Variants in ODF2 observed in about 807,000 individuals in gnomAD.
The protein encoded by ODF2 is outer dense fiber of sperm tails 2, also known as outer dense fiber protein 2.
In ODF2, 47 loss-of-function variants were observed where a neutral mutation model predicts 110.2. The ratio of observed to expected loss-of-function variants is 0.43; its 90% CI spans 0.34 to 0.54. ODF2 has a LOEUF of 0.54. Ranked by LOEUF, ODF2 falls within the 20% of genes least tolerant of loss-of-function variation. The pLI is 0.03. For synonymous variants in ODF2, 352 were observed against 397.7 expected (o/e 0.89, Z 1.37); for missense variants, 812 against 1,054.5 (o/e 0.77, Z 3.19).
intron 14 of ODF2, among the ~76,000 whole-genome samples, chr9:128,490,444 C>T (rs574435643): frequency 8.9e-4 from 135 of 151,942 alleles, no homozygotes; most frequent in Non-Finnish European, 1.5e-3. Context: ...CACCATGCCC[C>T]GCTAATTTTT....
rs368346443 is a variant in ODF2, at chr9:128,482,989, G to A, written c.987+102G>A. The A allele has an allele frequency of 2.7e-4, 230 of 846,532 alleles. 7 individuals carry two copies. The highest frequency in any genetic ancestry group is 1.3e-3 in the East Asian group (47 of 36,728). 52.4% of individuals were successfully genotyped at this position (846,532 alleles called of 1,614,324 possible). A position where few individuals can be genotyped will look rare whatever the true frequency, so the allele number is the denominator to read the frequency against. On this transcript the variant is annotated intron_variant, in intron 10 of 20. Transcript: ENST00000604420. The stretch of plus-strand genomic sequence containing the variant: ...CAGCTCGCTGCAACCTCTGCCTCCC[G>A]GATTTGAGTGATTCTCCTGCCTCAG...
intron 6 of ODF2, among the ~76,000 whole-genome samples, chr9:128,472,146 G>A (rs1840169320): frequency 1.3e-5 from 2 of 152,216 alleles, no homozygotes; most frequent in East Asian, 1.9e-4. Flanking sequence ...CGGGCGTCGC[G>A]GCGGGCGCCT....
intron 3 of ODF2, chr9:128,460,281 G>C: frequency 7.3e-7 from 1 of 1,375,168 alleles, no homozygotes; most frequent in Non-Finnish European, 9.6e-7. Context: ...GCCGGCGTCT[G>C]GGATCTGTTC....
intron 2 of ODF2, among the ~76,000 whole-genome samples, chr9:128,458,748 A>G (rs1401081702): frequency 6.6e-6 from 1 of 151,900 alleles, no homozygotes; most frequent in Non-Finnish European, 1.5e-5. Flanking sequence ...ATACTTTTTT[A>G]TTCTCTTAGG....
At position 128,456,489 on chromosome 9, in the gene ODF2, C is replaced by T. The variant is rs917507853; in HGVS notation, c.-209+234C>T. On this transcript the variant is annotated intron_variant, in intron 1 of 20. Coordinates refer to ENST00000604420, the Ensembl canonical transcript of ODF2. ...GGCCGCCTCCTTCCTCTCTTGGCTA[C>T]CACGGGGCTCTGCCCCTCCTCTGCC... 2.0e-5 allele frequency: 30 copies of T among 1,526,450 alleles called. No homozygotes were observed. In the South Asian group the frequency reaches 2.5e-4, roughly 13 times the overall value. The allele number at this position is 1,526,450 out of a possible 1,614,324, so 94.6% of individuals were successfully genotyped here.
rs1564515315 is a variant in ODF2 at position 128,487,803 on chromosome 9, AAACACAC to A, written c.1401-85_1401-79del. On this transcript the variant is annotated intron_variant, in intron 13 of 20. Coordinates refer to ENST00000604420, the Ensembl canonical transcript of ODF2. ...CTCCGTCTAAAAAAACAAACAAACA[AAACACAC>A]ACACACACACACACACACACACACA... 1,279 of 983,022 alleles carry A rather than the reference AAACACAC, an allele frequency of 1.3e-3. 15 individuals carry two copies. The African/African-American group carries it at 0.035, about 27-fold the overall frequency. The allele number at this position is 983,022 out of a possible 1,614,324, so 60.9% of individuals were successfully genotyped here. A position where few individuals can be genotyped will look rare whatever the true frequency, so the allele number is the denominator to read the frequency against.
At chr9:128,497,444 AAAATATATATAT>A (rs1165433340) in intron 18 of ODF2, 5 of 72,254 alleles carry the variant, frequency 6.9e-5, no homozygotes, top group South Asian at 9.1e-4. Flanking sequence ...AAAAAAAAAA[AAAATATATATAT>A]ATATATATAT....
At chr9:128,498,871 C>T in intron 19 of ODF2, 130 bp from the exon 20 acceptor site, 1 of 1,275,238 alleles carries the variant, frequency 7.8e-7, no homozygotes, top group East Asian at 2.3e-5. Flanking sequence ...CCCCAGCGTT[C>T]TAGAGAACAC....
chr9:128,471,503 T>C, intron 6 of ODF2, 35 bp downstream of exon 6: 2 of 1,591,822 alleles, frequency 1.3e-6, no homozygotes, highest in South Asian at 2.3e-5. Context: ...CGCTGATCTA[T>C]TCCTCCCTAC....
rs369179004 is a variant in ODF2, at chr9:128,485,350, G to A, written c.1291-15G>A. On this transcript the variant is annotated splice_polypyrimidine_tract_variant and intron_variant, in intron 12 of 20. Coordinates refer to ENST00000604420, the Ensembl canonical transcript of ODF2. This position sits in a 1 kb window ranked among gnomAD's most constrained non-coding sequence, Gnocchi z 5.0. The stretch of plus-strand genomic sequence containing the variant: ...TGACACTAGGCTAACAGGCCCTTTT[G>A]TCCCGTGTTCCCAGGATCTTTATGT... 3.2e-5 allele frequency: 47 copies of A among 1,476,906 alleles called. No individual in the cohort carries two copies. The highest frequency in any genetic ancestry group is 3.9e-5 in the Non-Finnish European group (41 of 1,059,206). 91.5% of individuals were successfully genotyped at this position (1,476,906 alleles called of 1,614,324 possible). A position where few individuals can be genotyped will look rare whatever the true frequency, so the allele number is the denominator to read the frequency against.
In ODF2 at chr9:128,500,473, G is replaced by A. The variant is rs921409738; in HGVS notation, c.*218G>A. 1.9e-5 allele frequency: 10 copies of A among 532,152 alleles called. No individual in the cohort carries two copies. The African/African-American group carries it at 1.9e-4, about 10-fold the overall frequency. 33.0% of individuals were successfully genotyped at this position (532,152 alleles called of 1,614,324 possible). The stretch of plus-strand genomic sequence containing the variant: ...CCTGATATAGTCACCTGTTGGAAGT[G>A]TTAAAATTTCCTCGACAGGCCTTAA... On this transcript the variant is annotated 3_prime_UTR_variant, in exon 21 of 21. Coordinates refer to ENST00000604420, the Ensembl canonical transcript of ODF2.
At chr9:128,469,439 T>A in intron 5 of ODF2, 86 bp downstream of exon 5, 1 of 1,440,486 alleles carries the variant, frequency 6.9e-7, no homozygotes, top group Non-Finnish European at 9.7e-7. Context: ...TCCCTCAGCC[T>A]GCGTCTGCAG....
chr9:128,457,261 C>G, exon 2 of ODF2: 1 of 1,598,916 alleles, frequency 6.3e-7, no homozygotes, highest in Non-Finnish European at 8.5e-7. Context: ...AACTGCCAAC[C>G]CCAAAGCTTC....
At chr9:128,461,794 C>G (rs1196959992) in intron 4 of ODF2, among the ~76,000 whole-genome samples, 1 of 152,014 alleles carries the variant, frequency 6.6e-6, no homozygotes, top group African/African-American at 2.4e-5. Flanking sequence ...AAATGAAAAA[C>G]AAAAGTAACT....
At chr9:128,470,891 A>G (rs1345178783) in intron 5 of ODF2, among the ~76,000 whole-genome samples, 1 of 143,516 alleles carries the variant, frequency 7.0e-6, no homozygotes, top group East Asian at 2.1e-4. Context: ...TCTCAATTGG[A>G]AGGCTCCTTA....
intron 6 of ODF2, among the ~76,000 whole-genome samples, chr9:128,472,594 G>A (rs934844581): frequency 4.6e-5 from 7 of 152,094 alleles, no homozygotes; most frequent in African/African-American, 1.7e-4. Flanking sequence ...GCTCAAAATC[G>A]TATCTGAAGA....
At position 128,471,437 on chromosome 9, in the gene ODF2, G is replaced by A. The variant is rs746534563; in HGVS notation, c.550G>A (p.Glu184Lys). 1.1e-5 allele frequency: 18 copies of A among 1,613,568 alleles called. No homozygotes were observed. The African/African-American group carries it at 1.3e-4, about 12-fold the overall frequency. ...GAACACGGTGTTGAGGCACAACATC[G>A]AGCGCATGAAGGAGGAGAAGGACTT... Residue 184 changes from glutamate (E) to lysine (K), a missense_variant, in exon 6 of 21, where the codon GAG becomes AAG. Around this residue, in one of 5 missense-constraint regions of ODF2, gnomAD observed 219 missense variants for 321.3 expected, o/e 0.68. Transcript: ENST00000604420.
chr9:128,485,454 G>A lies in ODF2; in HGVS notation c.1380G>A (p.Leu460=). Residue 460 remains leucine, a synonymous_variant, in exon 13 of 21, where the codon CTG becomes CTA. Transcript: ENST00000604420. This position sits in a 1 kb window ranked among gnomAD's most constrained non-coding sequence, Gnocchi z 5.0. ...TAAAAGAAAAGGGAGACCTTGAGCTGGAAATTATTGTCCTGAATGAGTACG... is the reference window on the plus strand; with the variant it reads ...TAAAAGAAAAGGGAGACCTTGAGCTAGAAATTATTGTCCTGAATGAGTACG... 2 of 1,592,502 alleles carry A rather than the reference G, an allele frequency of 1.3e-6. No individual in the cohort carries two copies. Among genetic ancestry groups the A allele is most frequent in the South Asian group, 1.1e-5 (1 of 90,364 alleles).
intron 13 of ODF2, among the ~76,000 whole-genome samples, chr9:128,487,144 C>A (rs1265827814): frequency 6.6e-6 from 1 of 152,114 alleles, no homozygotes; most frequent in African/African-American, 2.4e-5. Flanking sequence ...TGCAGTGGCA[C>A]CAGCATAGCT....
Sources: allele counts gnomAD v4.1 joint callset (sites outside exome capture counted in the v4.1 genomes callset), GRCh38; gene constraint gnomAD v4.1.1; regional missense constraint gnomAD v4.1.1; non-coding constraint Gnocchi (gnomAD v3.1); transcripts MANE v1.5; gene names NCBI Gene and HGNC (gene_info 2026-07-23, HGNC 2026-07-21).